The following CECR2 variants were observed in gnomAD, a reference collection of about 807,000 sequenced individuals.
CECR2 encodes the protein CECR2 histone acetyl-lysine reader, also known as chromatin remodeling regulator CECR2.
A neutral mutation model predicts 154.5 loss-of-function variants in CECR2; 30 were observed. The observed-to-expected ratio is 0.19, with a 90% CI of 0.15 to 0.26. CECR2 has a LOEUF of 0.26. CECR2 is among the 10% of genes least tolerant of loss of function. The pLI is 1.00. For synonymous variants in CECR2, 725 were observed against 683.7 expected, an observed-to-expected ratio of 1.06 and a Z score of -0.94; for missense variants, 1,743 against 1,829.3, an observed-to-expected ratio of 0.95 and a Z score of 0.86.
chr22:17,484,204 A>G (rs563239884), intron 2 of CECR2, among the ~76,000 whole-genome samples: 1 of 152,152 alleles, frequency 6.6e-6, no homozygotes, highest in East Asian at 1.9e-4. Flanking sequence ...TTAGGCCCTC[A>G]CTTGCAACAG....
At chr22:17,492,947 C>T (rs1271043317) in intron 2 of CECR2, among the ~76,000 whole-genome samples, 4 of 152,036 alleles carry the variant, frequency 2.6e-5, no homozygotes, top group Middle Eastern at 3.4e-3. Flanking sequence ...TGTTCTTTTT[C>T]CTTTATTTTA....
chr22:17,376,433 G>C (rs562256788), intron 1 of CECR2, among the ~76,000 whole-genome samples: 1 of 133,612 alleles, frequency 7.5e-6, no homozygotes, highest in Non-Finnish European at 1.6e-5. Flanking sequence ...CAGTACTACC[G>C]ATCATCTGCC....
At chr22:17,428,803 T>TGTGTGTGTGTGA (rs1220614340) in intron 1 of CECR2, among the ~76,000 whole-genome samples, 1 of 146,928 alleles carries the variant, frequency 6.8e-6, no homozygotes, top group Admixed American at 6.8e-5. Flanking sequence ...TTTATTTGTG[T>TGTGTGTGTGTGA]GTGTGTGTGT....
At chr22:17,370,643 C>A (rs2063048253) in intron 1 of CECR2, among the ~76,000 whole-genome samples, 1 of 152,136 alleles carries the variant, frequency 6.6e-6, no homozygotes, top group South Asian at 2.1e-4. Flanking sequence ...GCGCGGAGGA[C>A]GGGCTGGCCA....
chr22:17,443,377 T>G (rs2054612143), intron 1 of CECR2, among the ~76,000 whole-genome samples: 1 of 152,002 alleles, frequency 6.6e-6, no homozygotes, highest in African/African-American at 2.4e-5. Flanking sequence ...TTATTATCTG[T>G]GGAATTAATC....
intron 1 of CECR2, among the ~76,000 whole-genome samples, chr22:17,462,337 G>A (rs1033257406): frequency 3.3e-5 from 5 of 151,942 alleles, no homozygotes; most frequent in Admixed American, 2.0e-4. Context: ...CTCCAGGCTG[G>A]GCAACTGAGC....
chr22:17,477,831 G>A (rs2055235840), intron 2 of CECR2, 149 bp downstream of exon 2: 1 of 614,628 alleles, frequency 1.6e-6, no homozygotes, highest in Admixed American at 2.7e-5. Flanking sequence ...TAAATTTCCA[G>A]GCTGTGTTTG....
chr22:17,446,840 G>A lies in CECR2; in HGVS notation c.127-30748G>A, dbSNP rs115674543. Among the ~76,000 whole-genome samples, 647 of 152,204 alleles carry A rather than the reference G, an allele frequency of 4.3e-3. 3 individuals carry two copies. The highest frequency in any genetic ancestry group is 0.015 in the African/African-American group (622 of 41,516). ...TGCGAGCAGGTTGCCGCTGTGAGGT[G>A]GCCAGCTTTATTCCCTTATTTGGCC... On this transcript the variant is annotated intron_variant, in intron 1 of 18. Transcript: ENST00000262608.
chr22:17,548,789 C>G lies in CECR2; in HGVS notation c.3502C>G (p.Pro1168Ala). 1 of 1,613,776 alleles carries G rather than the reference C, an allele frequency of 6.2e-7. No homozygotes were observed. The highest frequency in any genetic ancestry group is 8.5e-7 in the Non-Finnish European group (1 of 1,179,860). ...FPPRGFQSNH[P>A]HSGGFPRYRP... ...CCCAAGGGGCTTTCAGTCTAACCAC[C>G]CACATTCTGGAGGCTTTCCCCGGTA... The change falls in exon 17 of 19, where the codon CCA becomes GCA. Residue 1168 changes from proline to alanine, a missense_variant. Pro to Ala is a conservative substitution (Grantham distance 27). Transcript: ENST00000262608.
chr22:17,368,665 A>G (rs545780476), upstream of CECR2, among the ~76,000 whole-genome samples: 58 of 151,802 alleles, frequency 3.8e-4, no homozygotes, highest in Non-Finnish European at 5.0e-4. Context: ...CCTCTGCCCC[A>G]TCCCCCCGCC....
In CECR2 at chr22:17,549,068, C is replaced by T. The variant is rs199712744; in HGVS notation, c.3781C>T (p.Arg1261Cys). Reference sequence around the variant, plus strand: ...GAATGCTGCCTTAACTTCTCCAACCCGTATGGATGCAGTGGCTGCTAAAGT... The same window carrying T: ...GAATGCTGCCTTAACTTCTCCAACCTGTATGGATGCAGTGGCTGCTAAAGT... Reference protein sequence around the residue: ...TLNAALTSPTRMDAVAAKVPN... With the variant: ...TLNAALTSPTCMDAVAAKVPN... The change falls in exon 17 of 19, where the codon CGT becomes TGT. Residue 1261 changes from arginine to cysteine, a missense_variant. Coordinates refer to ENST00000262608, the MANE Select transcript of CECR2 (RefSeq NM_001290047.2). 242 of 1,613,998 alleles carry T rather than the reference C, an allele frequency of 1.5e-4. 4 individuals are homozygous for T. In the South Asian group the frequency reaches 1.6e-3, roughly 11 times the overall value.
intron 2 of CECR2, among the ~76,000 whole-genome samples, chr22:17,494,488 AC>A (rs898188588): frequency 4.1e-4 from 63 of 152,106 alleles, no homozygotes; most frequent in Admixed American, 2.0e-4. Flanking sequence ...GCCAGTCCAA[AC>A]CCTGCAAGGT....
Position 17,555,129 on chromosome 22 carries a change from C to T in CECR2, c.*2289C>T, listed in dbSNP as rs1194403724. ...CCCCTTTCCTTCTGCCCTCGTGGTC[C>T]TTGAGCAGTTGTGTGCACACTCTTC... is the stretch of plus-strand genomic sequence containing the variant. On this transcript the variant is annotated 3_prime_UTR_variant, in exon 19 of 19. Coordinates refer to ENST00000262608, the MANE Select transcript of CECR2 (RefSeq NM_001290047.2). 1 of 152,290 alleles carries T rather than the reference C, an allele frequency of 6.6e-6. No homozygotes were observed. The highest frequency in any genetic ancestry group is 2.4e-5 in the African/African-American group (1 of 41,446). The allele number at this position is 152,290 out of a possible 1,614,324, so 9.4% of individuals were successfully genotyped here.
chr22:17,459,373 C>T (rs908098762), intron 1 of CECR2, among the ~76,000 whole-genome samples: 2 of 152,232 alleles, frequency 1.3e-5, no homozygotes, highest in African/African-American at 4.8e-5. Flanking sequence ...CTCACTGCCT[C>T]TGCAACTTCC....
In CECR2 at chr22:17,404,475, G is replaced by A. The variant is rs922421219; in HGVS notation, c.126+34566G>A. On this transcript the variant is annotated intron_variant, in intron 1 of 18. Coordinates refer to ENST00000262608, the MANE Select transcript of CECR2 (RefSeq NM_001290047.2). ...TGCAAGCTCCGCCTCTCGGGTTCAC[G>A]CCATTCTCCTGCCTCAGCCTCCCCA... Among the ~76,000 whole-genome samples the A allele has an allele frequency of 3.3e-5, 4 of 120,658 alleles. 1 individual carries two copies. The highest frequency in any genetic ancestry group is 1.4e-4 in the African/African-American group (4 of 28,536). 79.2% of individuals were successfully genotyped at this position (120,658 alleles called of 152,430 possible).
chr22:17,470,014 A>G (rs919516679), intron 1 of CECR2, among the ~76,000 whole-genome samples: 2 of 152,224 alleles, frequency 1.3e-5, no homozygotes, highest in African/African-American at 4.8e-5. Flanking sequence ...GTATGCCTTC[A>G]GATGCCACAG....
intron 1 of CECR2, among the ~76,000 whole-genome samples, chr22:17,421,418 A>G (rs2054246411): frequency 6.6e-6 from 1 of 152,080 alleles, no homozygotes; most frequent in Non-Finnish European, 1.5e-5. Flanking sequence ...GATCGAGACC[A>G]TCCCGGCTAA....
intron 1 of CECR2, among the ~76,000 whole-genome samples, chr22:17,395,520 T>A (rs566544128): frequency 1.3e-4 from 20 of 152,188 alleles, no homozygotes; most frequent in African/African-American, 3.9e-4. Flanking sequence ...AATTTTTGTA[T>A]TTTTAGTAGA....
At chr22:17,401,570 C>T (rs767008922) in intron 1 of CECR2, among the ~76,000 whole-genome samples, 17 of 151,874 alleles carry the variant, frequency 1.1e-4, no homozygotes, top group African/African-American at 1.2e-4. Context: ...ATGAGATATA[C>T]GCTCTTTTGA....
Sources: gnomAD v4.1 joint callset for allele counts (sites outside exome capture counted in the v4.1 genomes callset) on GRCh38, gnomAD v4.1.1 for gene constraint, MANE v1.5 for transcripts, NCBI Gene and HGNC (gene_info 2026-07-23, HGNC 2026-07-21) for gene names.